The following NAALADL2 variants were observed in gnomAD, a reference collection of about 807,000 sequenced individuals.
The protein encoded by NAALADL2 is N-acetylated alpha-linked acidic dipeptidase like 2.
NAALADL2 carries 76 observed loss-of-function variants against 87.2 expected under a neutral mutation model. The observed-to-expected ratio is 0.87, with a 90% CI of 0.72 to 1.05. The LOEUF is 1.05. Among genes scored for constraint, NAALADL2 ranks in the 50% least tolerant of loss-of-function variants. The probability of loss-of-function intolerance (pLI) is 0.00; values close to 1 mark genes in which losing one functional copy is unlikely to be tolerated. For synonymous variants in NAALADL2, 354 were observed against 331.0 expected (o/e 1.07, Z -0.75); for missense variants, 1,089 against 945.8 (o/e 1.15, Z -1.99).
At position 175,423,051 on chromosome 3, in the gene NAALADL2, A is replaced by ATATATT. The variant is rs1458599872; in HGVS notation, c.1091-24177_1091-24176insATATTT. Among the ~76,000 whole-genome samples the ATATATT allele has an allele frequency of 1.9e-4, 17 of 91,506 alleles. No individual in the cohort carries two copies. In the East Asian group the frequency reaches 2.1e-3, roughly 12 times the overall value. 60.0% of individuals were successfully genotyped at this position (91,506 alleles called of 152,430 possible). On this transcript the variant is annotated intron_variant, in intron 5 of 13. Transcript: ENST00000454872. ...AAAATATATATATATATATATATATATTTTTTTTTTTTCCTGAGTTGTAGA... is the reference window on the plus strand; with the variant it reads ...AAAATATATATATATATATATATATATATATTTTTTTTTTTTTTCCTGAGTTGTAGA...
chr3:175,631,907 T>C (rs1398554704), intron 11 of NAALADL2, among the ~76,000 whole-genome samples: 2 of 152,090 alleles, frequency 1.3e-5, no homozygotes, highest in Non-Finnish European at 2.9e-5. Context: ...ATTCTGATAA[T>C]CTACTATAGT....
chr3:174,929,829 C>A (rs1316379687), intron 1 of NAALADL2, among the ~76,000 whole-genome samples: 1 of 152,110 alleles, frequency 6.6e-6, no homozygotes, highest in Non-Finnish European at 1.5e-5. Context: ...CTTTAGCCAA[C>A]TTAATTAACA....
At chr3:174,456,095 A>G (rs538380651) in intron 1 of NAALADL2, among the ~76,000 whole-genome samples, 36 of 152,238 alleles carry the variant, frequency 2.4e-4, no homozygotes, top group Admixed American at 1.6e-3. Context: ...AATCAGGAAT[A>G]CAATCCCATT....
chr3:175,632,026 A>G (rs1301178511), intron 11 of NAALADL2, among the ~76,000 whole-genome samples: 1 of 152,062 alleles, frequency 6.6e-6, no homozygotes, highest in Admixed American at 6.6e-5. Flanking sequence ...ATCATATTAA[A>G]AGAGATAATA....
intron 1 of NAALADL2, among the ~76,000 whole-genome samples, chr3:175,073,543 A>T (rs1478126826): frequency 1.3e-5 from 2 of 152,118 alleles, no homozygotes; most frequent in East Asian, 1.9e-4. Context: ...TAATACAATT[A>T]CTTGTCTGAA....
At position 175,576,132 on chromosome 3, in the gene NAALADL2, A is replaced by G. The variant is rs1420310655; in HGVS notation, c.1745A>G (p.Asn582Ser). Reference protein sequence around the residue: ...QIQGDADYFINHLGVPIVQFA... With the variant: ...QIQGDADYFISHLGVPIVQFA... ...CAAGGTGATGCTGATTATTTCATCA[A>G]CCATCTTGGAGTTCCCATCGTGCAG... is the stretch of plus-strand genomic sequence containing the variant. Residue 582 changes from asparagine (N) to serine (S), a missense_variant, in exon 10 of 14, where the codon AAC becomes AGC. Physicochemically the swap from Asn to Ser is conservative, Grantham distance 46. Transcript: ENST00000454872. The G allele has an allele frequency of 1.9e-6, 3 of 1,613,844 alleles. No homozygotes were observed. Among genetic ancestry groups the G allele is most frequent in the Admixed American group, 1.7e-5 (1 of 60,020 alleles).
At position 175,361,754 on chromosome 3, in the gene NAALADL2, A is replaced by G. The variant is rs773564506; in HGVS notation, c.1090+37429A>G. On this transcript the variant is annotated intron_variant, in intron 5 of 13. Coordinates refer to ENST00000454872, the MANE Select transcript of NAALADL2 (RefSeq NM_207015.3). Reference sequence around the variant, plus strand: ...GTAAATTTGTTTGAGTTCTTTGTAGATTCCGGATATTAGCCCTTTGTCAGA... The same window carrying G: ...GTAAATTTGTTTGAGTTCTTTGTAGGTTCCGGATATTAGCCCTTTGTCAGA... Among the ~76,000 whole-genome samples the G allele has an allele frequency of 5.4e-5, 8 of 148,170 alleles. 1 individual carries two copies. Among genetic ancestry groups the G allele is most frequent in the Non-Finnish European group, 1.1e-4 (7 of 66,664 alleles).
chr3:174,557,709 T>G (rs1560053479), intron 2 of NAALADL2, among the ~76,000 whole-genome samples: 1 of 150,010 alleles, frequency 6.7e-6, no homozygotes, highest in South Asian at 2.1e-4. Context: ...TGTTTTTTTT[T>G]GTTCTTCTTT....
intron 2 of NAALADL2, among the ~76,000 whole-genome samples, chr3:174,724,620 G>A (rs1421774964): frequency 6.6e-6 from 1 of 152,108 alleles, no homozygotes; most frequent in African/African-American, 2.4e-5. Context: ...CCTAGGCATA[G>A]AGAGCTTTTA....
intron 2 of NAALADL2, among the ~76,000 whole-genome samples, chr3:174,560,691 T>C (rs1308940324): frequency 1.6e-4 from 24 of 152,200 alleles, no homozygotes; most frequent in Admixed American, 1.3e-4. Context: ...GCTTTGGCTG[T>C]TAGAGACTTT....
At chr3:175,148,207 T>C (rs1731059049) in intron 2 of NAALADL2, among the ~76,000 whole-genome samples, 1 of 151,500 alleles carries the variant, frequency 6.6e-6, no homozygotes, top group Admixed American at 6.6e-5. Context: ...TGATTAGTAA[T>C]TTGACTTTTT....
chr3:175,368,385 AG>A (rs1249861074), intron 5 of NAALADL2, among the ~76,000 whole-genome samples: 2 of 152,076 alleles, frequency 1.3e-5, no homozygotes, highest in Non-Finnish European at 2.9e-5. Flanking sequence ...TGAGTTAGGG[AG>A]GTTTCCCTCT....
chr3:175,494,646 T>G (rs924425579), intron 9 of NAALADL2, among the ~76,000 whole-genome samples: 1 of 152,014 alleles, frequency 6.6e-6, no homozygotes, highest in South Asian at 2.1e-4. Flanking sequence ...ACAGGAAAAC[T>G]GTTCTACACT....
intron 10 of NAALADL2, among the ~76,000 whole-genome samples, chr3:175,580,011 C>T (rs1472305863): frequency 6.6e-6 from 1 of 152,030 alleles, no homozygotes; most frequent in Non-Finnish European, 1.5e-5. Context: ...CCCAATTTAC[C>T]TCTATAATAG....
Position 175,701,164 on chromosome 3 carries a change from C to T in NAALADL2, c.1897-36142C>T, listed in dbSNP as rs149218458. Reference sequence around the variant, plus strand: ...GCAGAAGGAGAAGATTTCAGGTCTGCGCTCATTGGAGGCTGTAGGGTTGGG... The same window carrying T: ...GCAGAAGGAGAAGATTTCAGGTCTGTGCTCATTGGAGGCTGTAGGGTTGGG... On this transcript the variant is annotated intron_variant, in intron 11 of 13. Transcript: ENST00000454872. Among the ~76,000 whole-genome samples the T allele has an allele frequency of 6.6e-5, 10 of 152,176 alleles. No homozygotes were observed. In the East Asian group the frequency reaches 1.5e-3, roughly 24 times the overall value.
At chr3:175,015,219 TCTA>T (rs1181325251) in intron 1 of NAALADL2, among the ~76,000 whole-genome samples, 1 of 152,144 alleles carries the variant, frequency 6.6e-6, no homozygotes, top group Non-Finnish European at 1.5e-5. Flanking sequence ...CACGTTTAGC[TCTA>T]CTGTTTACTA....
intron 3 of NAALADL2, among the ~76,000 whole-genome samples, chr3:174,753,001 G>C (rs773143838): frequency 6.6e-6 from 1 of 152,178 alleles, no homozygotes; most frequent in African/African-American, 2.4e-5. Flanking sequence ...ACTTGTGATA[G>C]ATGTATGATT....
At position 175,667,237 on chromosome 3, in the gene NAALADL2, AAGAAAAAG is replaced by A. The variant is rs1487646520; in HGVS notation, c.1896+39853_1896+39860del. On this transcript the variant is annotated intron_variant, in intron 11 of 13. Coordinates refer to ENST00000454872, the MANE Select transcript of NAALADL2 (RefSeq NM_207015.3). ...AAAGAAAGAAAGAAAGAAAGAAAGA[AAGAAAAAG>A]AAAGAAAGAAAGAAAGAAAGGAAGG... Among the ~76,000 whole-genome samples, 216 of 100,136 alleles carry A rather than the reference AAGAAAAAG, an allele frequency of 2.2e-3. 1 individual carries two copies. The highest frequency in any genetic ancestry group is 5.0e-3 in the East Asian group (20 of 3,970). 65.7% of individuals were successfully genotyped at this position (100,136 alleles called of 152,430 possible). A position where few individuals can be genotyped will look rare whatever the true frequency, so the allele number is the denominator to read the frequency against.
intron 1 of NAALADL2, among the ~76,000 whole-genome samples, chr3:174,971,665 CTGTGTGTGTG>C (rs10662918): frequency 6.2e-5 from 9 of 144,816 alleles, no homozygotes; most frequent in Middle Eastern, 3.5e-3. Flanking sequence ...GTATGCTAGA[CTGTGTGTGTG>C]TGTGTGTGTG....
Sources: allele counts gnomAD v4.1 joint callset (sites outside exome capture counted in the v4.1 genomes callset), GRCh38; gene constraint gnomAD v4.1.1; transcripts MANE v1.5; gene names NCBI Gene and HGNC (gene_info 2026-07-23, HGNC 2026-07-21).